The following PLXDC2 variants were observed in gnomAD, a reference collection of about 807,000 sequenced individuals.
PLXDC2 encodes the protein plexin domain-containing protein 2.
A neutral mutation model predicts 68.9 loss-of-function variants in PLXDC2; 40 were observed. The observed-to-expected ratio is 0.58, with a 90% CI of 0.45 to 0.76. The LOEUF (loss-of-function observed/expected upper bound fraction) is 0.76, where lower values mean the gene tolerates loss of function less well. PLXDC2 is among the 30% of genes least tolerant of loss of function. PLXDC2 has a pLI of 0.00. For synonymous variants in PLXDC2, 243 were observed against 234.2 expected (o/e 1.04, Z -0.34); for missense variants, 644 against 661.9 (o/e 0.97, Z 0.30).
chr10:19,844,944 C>T (rs532969470), intron 1 of PLXDC2, among the ~76,000 whole-genome samples: 7 of 152,208 alleles, frequency 4.6e-5, no homozygotes, highest in Non-Finnish European at 7.4e-5. Context: ...GACATTGGAA[C>T]CAGGAATATA....
At chr10:20,096,616 A>G (rs1379080606) in intron 4 of PLXDC2, among the ~76,000 whole-genome samples, 2 of 152,154 alleles carry the variant, frequency 1.3e-5, no homozygotes, top group Non-Finnish European at 2.9e-5. Flanking sequence ...ACAAAGAGAG[A>G]CACCAACCAT....
At chr10:19,841,758 C>T (rs1222196088) in intron 1 of PLXDC2, among the ~76,000 whole-genome samples, 1 of 152,028 alleles carries the variant, frequency 6.6e-6, no homozygotes, top group Non-Finnish European at 1.5e-5. Context: ...ACATAGGAAA[C>T]TTTCAGTAAG....
chr10:19,944,259 AT>A (rs1360427808), intron 1 of PLXDC2, among the ~76,000 whole-genome samples: 1 of 152,146 alleles, frequency 6.6e-6, no homozygotes. Flanking sequence ...AAAAATGCAA[AT>A]AAGGTGCAGA....
At chr10:20,115,341 C>A (rs1272007592) in intron 4 of PLXDC2, among the ~76,000 whole-genome samples, 1 of 152,174 alleles carries the variant, frequency 6.6e-6, no homozygotes, top group East Asian at 1.9e-4. Flanking sequence ...GGCACCTAAG[C>A]TGACCCCTTA....
chr10:19,877,152 C>T (rs1837646933), intron 1 of PLXDC2, among the ~76,000 whole-genome samples: 1 of 149,046 alleles, frequency 6.7e-6, no homozygotes, highest in Admixed American at 6.7e-5. Flanking sequence ...TTTTTTAGAT[C>T]AGTAAAATAA....
At chr10:20,135,068 C>G (rs1360172455) in intron 4 of PLXDC2, among the ~76,000 whole-genome samples, 3 of 152,148 alleles carry the variant, frequency 2.0e-5, no homozygotes, top group Non-Finnish European at 4.4e-5. Context: ...TAATCTCTCA[C>G]CTGGATCTCT....
intron 12 of PLXDC2, 94 bp from the exon 13 acceptor site, chr10:20,245,251 C>T (rs540380415): frequency 7.4e-6 from 10 of 1,346,472 alleles, no homozygotes; most frequent in African/African-American, 4.4e-5. Flanking sequence ...AAGATCCAGT[C>T]GTACTTTATT....
chr10:19,967,531 A>G (rs1293052707), intron 1 of PLXDC2, among the ~76,000 whole-genome samples: 1 of 152,208 alleles, frequency 6.6e-6, no homozygotes, highest in Non-Finnish European at 1.5e-5. Context: ...AATAGAATAA[A>G]CATACTAAGA....
At chr10:19,834,072 C>A (rs1248428874) in intron 1 of PLXDC2, among the ~76,000 whole-genome samples, 1 of 151,662 alleles carries the variant, frequency 6.6e-6, no homozygotes, top group African/African-American at 2.4e-5. Flanking sequence ...TGGAACCAGT[C>A]CTTGTTCCTG....
chr10:20,041,678 C>A (rs911632902), intron 2 of PLXDC2, among the ~76,000 whole-genome samples: 2 of 152,018 alleles, frequency 1.3e-5, no homozygotes, highest in Admixed American at 6.6e-5. Flanking sequence ...GCTTGAGATG[C>A]CTTAACCAAA....
At chr10:19,951,860 C>T (rs1420752555) in intron 1 of PLXDC2, among the ~76,000 whole-genome samples, 1 of 152,160 alleles carries the variant, frequency 6.6e-6, no homozygotes, top group East Asian at 1.9e-4. Context: ...ATGGATGCAG[C>T]TAGAGACCCT....
chr10:19,889,190 A>G (rs1467210937), intron 1 of PLXDC2, among the ~76,000 whole-genome samples: 1 of 152,076 alleles, frequency 6.6e-6, no homozygotes, highest in Non-Finnish European at 1.5e-5. Flanking sequence ...GACACGGTAC[A>G]TCCCAACATC....
chr10:20,048,909 G>A (rs967848905), intron 3 of PLXDC2, among the ~76,000 whole-genome samples: 8 of 152,062 alleles, frequency 5.3e-5, no homozygotes, highest in African/African-American at 1.9e-4. Context: ...TGTTAGTGTG[G>A]CAGTGACGTT....
chr10:19,930,546 G>C (rs900453769), intron 1 of PLXDC2, among the ~76,000 whole-genome samples: 3 of 152,070 alleles, frequency 2.0e-5, no homozygotes, highest in Admixed American at 2.0e-4. Context: ...AGGAAGACCA[G>C]AACAATAATA....
intron 13 of PLXDC2, among the ~76,000 whole-genome samples, chr10:20,250,268 T>C (rs1205412268): frequency 7.3e-5 from 8 of 109,062 alleles, no homozygotes; most frequent in Non-Finnish European, 4.0e-5. Context: ...TGAGATCCTG[T>C]TTCAAAAAAA....
At chr10:20,113,569 CAG>C (rs1833585047) in intron 4 of PLXDC2, among the ~76,000 whole-genome samples, 1 of 152,188 alleles carries the variant, frequency 6.6e-6, no homozygotes. Flanking sequence ...CTCATTTCAA[CAG>C]TGAACCCCTC....
intron 1 of PLXDC2, among the ~76,000 whole-genome samples, chr10:19,987,502 G>A (rs1003055608): frequency 4.6e-5 from 7 of 151,870 alleles, no homozygotes; most frequent in Non-Finnish European, 1.0e-4. Flanking sequence ...AGGTACACTT[G>A]CCATCCTTTT....
At chr10:19,933,392 T>C (rs1478506582) in intron 1 of PLXDC2, among the ~76,000 whole-genome samples, 4 of 151,994 alleles carry the variant, frequency 2.6e-5, no homozygotes, top group Non-Finnish European at 4.4e-5. Flanking sequence ...TTCCAGCACG[T>C]TGGGAGGCTG....
chr10:19,887,049 T>A (rs1221188980), intron 1 of PLXDC2, among the ~76,000 whole-genome samples: 1 of 152,224 alleles, frequency 6.6e-6, no homozygotes, highest in African/African-American at 2.4e-5. Context: ...TGAAAGGATC[T>A]CAGGGACACC....
Sources: allele counts gnomAD v4.1 joint callset (sites outside exome capture counted in the v4.1 genomes callset), GRCh38; gene constraint gnomAD v4.1.1; transcripts MANE v1.5; gene names NCBI Gene and HGNC (gene_info 2026-07-23, HGNC 2026-07-21).